GRM7: variants seen among roughly 807,000 people sequenced by gnomAD.
The protein encoded by GRM7 is metabotropic glutamate receptor 7.
A neutral mutation model predicts 84.5 loss-of-function variants in GRM7; 35 were observed. The observed-to-expected ratio is 0.41, with a 90% confidence interval of 0.32 to 0.55. The LOEUF is 0.55. Ranked by LOEUF, GRM7 falls within the 20% of genes least tolerant of loss-of-function variation. The pLI, the probability that GRM7 is intolerant of heterozygous loss-of-function variation, is 0.19. For missense variants in GRM7, 1,003 were observed against 1,194.6 expected, an observed-to-expected ratio of 0.84 and a Z score of 2.36; for synonymous variants, 487 against 455.1, an observed-to-expected ratio of 1.07 and a Z score of -0.89.
chr3:7,232,801 AACTC>A (rs1697235769), intron 2 of GRM7, among the ~76,000 whole-genome samples: 1 of 152,180 alleles, frequency 6.6e-6, no homozygotes, highest in South Asian at 2.1e-4. Context: ...CTAAGATTCT[AACTC>A]AGATCTGATG....
At chr3:6,957,637 C>T (rs1181737010) in intron 1 of GRM7, among the ~76,000 whole-genome samples, 1 of 152,166 alleles carries the variant, frequency 6.6e-6, no homozygotes, top group East Asian at 1.9e-4. Context: ...ACCCTCCTCT[C>T]ATTTGCACAT....
intron 5 of GRM7, among the ~76,000 whole-genome samples, chr3:7,430,941 T>G (rs1194821795): frequency 6.6e-6 from 1 of 152,164 alleles, no homozygotes; most frequent in Non-Finnish European, 1.5e-5. Context: ...GTTTGACTGA[T>G]GTAACACAGA....
chr3:7,634,353 A>T (rs2125098975), intron 8 of GRM7, among the ~76,000 whole-genome samples: 1 of 152,172 alleles, frequency 6.6e-6, no homozygotes, highest in South Asian at 2.1e-4. Context: ...TATTTCTTGA[A>T]GAAACAGCAA....
intron 2 of GRM7, among the ~76,000 whole-genome samples, chr3:7,173,366 C>A (rs1015414930): frequency 6.6e-6 from 1 of 152,144 alleles, no homozygotes; most frequent in Non-Finnish European, 1.5e-5. Context: ...AAAAACTTAC[C>A]AACTGCTCTC....
At chr3:7,617,147 C>T (rs1450744341) in intron 8 of GRM7, among the ~76,000 whole-genome samples, 1 of 151,988 alleles carries the variant, frequency 6.6e-6, no homozygotes, top group Non-Finnish European at 1.5e-5. Context: ...AAAATCAGAC[C>T]TTGGCAATGA....
At chr3:7,139,385 G>T (rs1485671345) in intron 1 of GRM7, among the ~76,000 whole-genome samples, 3 of 151,662 alleles carry the variant, frequency 2.0e-5, no homozygotes, top group Admixed American at 1.3e-4. Context: ...ATATAAAAAT[G>T]AAAAACTTAG....
chr3:7,696,272 G>T (rs1350167801), intron 9 of GRM7, among the ~76,000 whole-genome samples: 1 of 152,112 alleles, frequency 6.6e-6, no homozygotes, highest in Non-Finnish European at 1.5e-5. Context: ...AAAATAGTTT[G>T]CCAGAAATGA....
At chr3:7,318,875 A>C (rs1382260386) in intron 4 of GRM7, among the ~76,000 whole-genome samples, 2 of 152,066 alleles carry the variant, frequency 1.3e-5, no homozygotes. Context: ...TTAATACTCC[A>C]TCCTCTTTAA....
At chr3:7,684,293 C>G (rs1375849339) in intron 9 of GRM7, among the ~76,000 whole-genome samples, 1 of 152,122 alleles carries the variant, frequency 6.6e-6, no homozygotes, top group Non-Finnish European at 1.5e-5. Flanking sequence ...AGCTCATGCA[C>G]TTGAAAAAGG....
intron 1 of GRM7, among the ~76,000 whole-genome samples, chr3:6,940,267 T>C (rs1217819118): frequency 1.3e-5 from 2 of 152,058 alleles, no homozygotes; most frequent in Non-Finnish European, 2.9e-5. Flanking sequence ...AATTTTTATA[T>C]TTTTAGTAGA....
At chr3:7,483,484 C>T (rs979500889) in intron 7 of GRM7, among the ~76,000 whole-genome samples, 1 of 152,092 alleles carries the variant, frequency 6.6e-6, no homozygotes, top group African/African-American at 2.4e-5. Context: ...GTGAAAGAAG[C>T]CAATGTGATT....
intron 2 of GRM7, among the ~76,000 whole-genome samples, chr3:7,278,418 T>C (rs58838426): frequency 0.012 from 1,825 of 152,204 alleles, 35 homozygotes; most frequent in African/African-American, 0.042. Context: ...TTAATAACTG[T>C]GCAGTATGCC....
At chr3:7,014,949 G>A (rs1003988548) in intron 1 of GRM7, among the ~76,000 whole-genome samples, 1 of 152,044 alleles carries the variant, frequency 6.6e-6, no homozygotes, top group Non-Finnish European at 1.5e-5. Flanking sequence ...GGCTAGCTAG[G>A]GGTTTGTAAA....
chr3:7,461,468 G>A, intron 6 of GRM7, 115 bp from the exon 7 acceptor site: 1 of 795,380 alleles, frequency 1.3e-6, no homozygotes, highest in Non-Finnish European at 2.1e-6. Context: ...TATTAAAGGG[G>A]ATATCTAGTA....
chr3:7,727,029 TTTA>T (rs1702156226), intron 9 of GRM7, among the ~76,000 whole-genome samples: 1 of 152,112 alleles, frequency 6.6e-6, no homozygotes, highest in Non-Finnish European at 1.5e-5. Flanking sequence ...AAAATTTTGA[TTTA>T]TTTTCTTTCA....
At chr3:7,378,816 A>G (rs917124190) in intron 4 of GRM7, among the ~76,000 whole-genome samples, 3 of 152,160 alleles carry the variant, frequency 2.0e-5, no homozygotes, top group African/African-American at 7.2e-5. Context: ...TGATTCATCT[A>G]TCTTTTAAAA....
At chr3:7,157,758 T>G (rs10510349) in intron 2 of GRM7, among the ~76,000 whole-genome samples, 9,481 of 151,686 alleles carry the variant, frequency 0.063, 746 homozygotes, top group African/African-American at 0.17. Flanking sequence ...CCAAGCACCC[T>G]GTGGATTTTT....
At chr3:7,114,246 A>G (rs1014282385) in intron 1 of GRM7, among the ~76,000 whole-genome samples, 13 of 152,208 alleles carry the variant, frequency 8.5e-5, no homozygotes, top group African/African-American at 2.4e-4. Flanking sequence ...AGGCTACTTA[A>G]CATTGTAATG....
intron 4 of GRM7, among the ~76,000 whole-genome samples, chr3:7,357,008 TATA>T (rs1326567505): frequency 1.3e-5 from 2 of 149,500 alleles, no homozygotes; most frequent in African/African-American, 2.4e-5. Flanking sequence ...TTATATATCA[TATA>T]ATATATATTT....
Sources: allele counts gnomAD v4.1 joint callset (sites outside exome capture counted in the v4.1 genomes callset), GRCh38; gene constraint gnomAD v4.1.1; transcripts MANE v1.5; gene names NCBI Gene and HGNC (gene_info 2026-07-23, HGNC 2026-07-21).